The following NEK11 variants were observed in gnomAD, a reference collection of about 807,000 sequenced individuals.
The protein encoded by NEK11 is NIMA related kinase 11.
A neutral mutation model predicts 80.7 loss-of-function variants in NEK11; 72 were observed. The ratio of observed to expected loss-of-function variants is 0.89; its 90% CI spans 0.74 to 1.08. The LOEUF (loss-of-function observed/expected upper bound fraction) is 1.08, where lower values mean the gene tolerates loss of function less well. Ranked by LOEUF, NEK11 falls within the 50% of genes least tolerant of loss-of-function variation. NEK11 has a pLI of 0.00. For synonymous variants in NEK11, 251 were observed against 260.7 expected, an observed-to-expected ratio of 0.96 and a Z score of 0.36; for missense variants, 764 against 763.6, an observed-to-expected ratio of 1.00 and a Z score of -0.01.
chr3:131,332,218 A>C (rs911418436), intron 17 of NEK11, among the ~76,000 whole-genome samples: 6 of 152,234 alleles, frequency 3.9e-5, no homozygotes, highest in South Asian at 2.1e-4. Context: ...GGCACCCCCC[A>C]GTAGGGGCAC....
At chr3:131,239,114 G>GA (rs1240925470) in intron 15 of NEK11, among the ~76,000 whole-genome samples, 2,336 of 148,006 alleles carry the variant, frequency 0.016, 49 homozygotes, top group African/African-American at 0.047. Flanking sequence ...AGCCTCTCAG[G>GA]AAAAAAAAAA....
At chr3:131,332,662 A>C (rs1267948362) in intron 17 of NEK11, among the ~76,000 whole-genome samples, 1 of 151,542 alleles carries the variant, frequency 6.6e-6, no homozygotes, top group Non-Finnish European at 1.5e-5. Context: ...GATGATCAAA[A>C]TACTCCGAGC....
At chr3:131,123,189 C>T (rs927623962) in intron 5 of NEK11, among the ~76,000 whole-genome samples, 8 of 151,958 alleles carry the variant, frequency 5.3e-5, no homozygotes, top group Non-Finnish European at 7.4e-5. Flanking sequence ...TCTCCTGAGA[C>T]GGAGTCTTGC....
At chr3:131,275,439 A>T (rs2096276831) in intron 17 of NEK11, among the ~76,000 whole-genome samples, 1 of 152,168 alleles carries the variant, frequency 6.6e-6, no homozygotes, top group African/African-American at 2.4e-5. Flanking sequence ...ATTGGCCAAG[A>T]TGCATTCTAA....
chr3:131,314,130 A>AGT (rs143988468), intron 17 of NEK11, among the ~76,000 whole-genome samples: 25,394 of 149,234 alleles, frequency 0.17, 2,237 homozygotes, highest in South Asian at 0.24. Flanking sequence ...GGAGAAAAAG[A>AGT]GTGTGTGTGT....
intron 17 of NEK11, among the ~76,000 whole-genome samples, chr3:131,296,857 T>G (rs1443276324): frequency 6.7e-6 from 1 of 149,898 alleles, no homozygotes; most frequent in Non-Finnish European, 1.5e-5. Flanking sequence ...TTCCACTTCC[T>G]GTGTCCATGG....
At chr3:131,345,931 T>G (rs906196299) in intron 17 of NEK11, among the ~76,000 whole-genome samples, 2 of 149,692 alleles carry the variant, frequency 1.3e-5, no homozygotes, top group African/African-American at 4.9e-5. Context: ...GACATAGGAA[T>G]AAAAATATTG....
At chr3:131,146,400 T>C (rs2088283507) in intron 7 of NEK11, among the ~76,000 whole-genome samples, 1 of 152,122 alleles carries the variant, frequency 6.6e-6, no homozygotes, top group African/African-American at 2.4e-5. Context: ...ATGGTACCTT[T>C]CTGGGCAAAT....
chr3:131,093,855 T>C (rs774565992), intron 4 of NEK11, among the ~76,000 whole-genome samples: 3 of 151,952 alleles, frequency 2.0e-5, no homozygotes, highest in Non-Finnish European at 4.4e-5. Flanking sequence ...AGCTATCAAT[T>C]ATGAAATCTT....
chr3:131,199,189 G>A (rs1046157153), intron 14 of NEK11, among the ~76,000 whole-genome samples: 3 of 152,000 alleles, frequency 2.0e-5, no homozygotes, highest in African/African-American at 7.3e-5. Flanking sequence ...GAAAACATTT[G>A]CAATTCTTAC....
chr3:131,192,173 A>G (rs959333809), intron 14 of NEK11, among the ~76,000 whole-genome samples: 8 of 152,178 alleles, frequency 5.3e-5, no homozygotes, highest in Admixed American at 2.0e-4. Flanking sequence ...ATGGCCAATA[A>G]GCACATAAAA....
chr3:131,067,381 GT>G (rs1330279566), intron 3 of NEK11, among the ~76,000 whole-genome samples: 1 of 152,158 alleles, frequency 6.6e-6, no homozygotes, highest in Non-Finnish European at 1.5e-5. Flanking sequence ...TTGGAATTCT[GT>G]TTCTGAATGA....
intron 3 of NEK11, among the ~76,000 whole-genome samples, chr3:131,070,048 A>T (rs1260659741): frequency 6.6e-6 from 1 of 152,198 alleles, no homozygotes; most frequent in Non-Finnish European, 1.5e-5. Flanking sequence ...CCTAACACTA[A>T]TTTTAAATTT....
chr3:131,089,276 A>T (rs889432748), intron 4 of NEK11, among the ~76,000 whole-genome samples: 1 of 152,174 alleles, frequency 6.6e-6, no homozygotes, highest in Non-Finnish European at 1.5e-5. Flanking sequence ...ATTGTTGCTA[A>T]TGTCTAGGGA....
chr3:131,110,012 A>C, intron 5 of NEK11, 91 bp downstream of exon 5: 1 of 1,361,826 alleles, frequency 7.3e-7, no homozygotes, highest in Non-Finnish European at 1.0e-6. Context: ...AATTGAAAGA[A>C]AACAAGTTCA....
intron 4 of NEK11, among the ~76,000 whole-genome samples, chr3:131,086,629 T>C (rs2076010687): frequency 6.6e-6 from 1 of 152,228 alleles, no homozygotes; most frequent in Non-Finnish European, 1.5e-5. Context: ...GCTTATTAAT[T>C]CCATTTTACA....
At chr3:131,218,300 G>C (rs2094909048) in intron 14 of NEK11, among the ~76,000 whole-genome samples, 1 of 152,158 alleles carries the variant, frequency 6.6e-6, no homozygotes, top group Non-Finnish European at 1.5e-5. Context: ...GGGGTTGGGG[G>C]CTGTGTCCAG....
At chr3:131,168,748 C>A in intron 12 of NEK11, 82 bp from the exon 13 acceptor site, 1 of 887,118 alleles carries the variant, frequency 1.1e-6, no homozygotes, top group Non-Finnish European at 1.7e-6. Context: ...GAAAATGGGC[C>A]TCCTGAAAGC....
At chr3:131,130,356 T>C (rs2084202518) in intron 5 of NEK11, among the ~76,000 whole-genome samples, 1 of 152,226 alleles carries the variant, frequency 6.6e-6, no homozygotes, top group Admixed American at 6.5e-5. Flanking sequence ...TTGGATTTTC[T>C]ACTTAGCTGA....
Sources: gnomAD v4.1 joint callset for allele counts (sites outside exome capture counted in the v4.1 genomes callset) on GRCh38, gnomAD v4.1.1 for gene constraint, MANE v1.5 for transcripts, NCBI Gene and HGNC (gene_info 2026-07-23, HGNC 2026-07-21) for gene names.